MAML3: variants seen among roughly 807,000 people sequenced by gnomAD.
The protein encoded by MAML3 is mastermind like transcriptional coactivator 3.
In MAML3, 27 loss-of-function variants were observed where a neutral mutation model predicts 101.9. The observed-to-expected ratio is 0.27, with a 90% CI of 0.20 to 0.37. MAML3 has a LOEUF of 0.37. Ranked by LOEUF, MAML3 falls within the 10% of genes least tolerant of loss-of-function variation. The pLI, the probability that MAML3 is intolerant of heterozygous loss-of-function variation, is 1.00. For missense variants in MAML3, 1,316 were observed against 1,444.9 expected (o/e 0.91, Z 1.45); for synonymous variants, 501 against 555.9 (o/e 0.90, Z 1.39).
chr4:140,101,123 C>T (rs1041780491), intron 1 of MAML3, among the ~76,000 whole-genome samples: 1 of 152,048 alleles, frequency 6.6e-6, no homozygotes, highest in African/African-American at 2.4e-5. Flanking sequence ...GGACCAGAGT[C>T]GACGCTACAT....
chr4:139,950,155 C>T (rs927767151), intron 1 of MAML3, among the ~76,000 whole-genome samples: 1 of 152,186 alleles, frequency 6.6e-6, no homozygotes, highest in African/African-American at 2.4e-5. Flanking sequence ...ATTCTCCTGC[C>T]TCAGCTTCCT....
At chr4:140,038,191 C>T (rs1324133520) in intron 1 of MAML3, among the ~76,000 whole-genome samples, 3 of 150,742 alleles carry the variant, frequency 2.0e-5, no homozygotes, top group Admixed American at 6.6e-5. Flanking sequence ...AAGTGCTTTA[C>T]GCAAAAACAT....
At chr4:139,946,925 ACTCT>A (rs869076388) in intron 1 of MAML3, among the ~76,000 whole-genome samples, 724 of 68,138 alleles carry the variant, frequency 0.011, 4 homozygotes, top group African/African-American at 0.021. Context: ...ACACACACAC[ACTCT>A]CTCTCTCTCT....
At chr4:139,859,052 G>C (rs960815032) in intron 2 of MAML3, among the ~76,000 whole-genome samples, 3 of 152,022 alleles carry the variant, frequency 2.0e-5, no homozygotes, top group African/African-American at 7.3e-5. Flanking sequence ...CCAGCTCTCA[G>C]TGAATATCAA....
At chr4:140,021,059 A>G (rs1029061470) in intron 1 of MAML3, among the ~76,000 whole-genome samples, 1 of 152,188 alleles carries the variant, frequency 6.6e-6, no homozygotes, top group Non-Finnish European at 1.5e-5. Flanking sequence ...GTACCCAAGG[A>G]GTTACAGAGA....
chr4:139,759,617 G>A (rs922819368), intron 2 of MAML3, among the ~76,000 whole-genome samples: 3 of 152,212 alleles, frequency 2.0e-5, no homozygotes, highest in East Asian at 3.8e-4. Flanking sequence ...GTTAGAGGCT[G>A]TCTCTAGGAT....
chr4:139,797,673 G>C (rs1472844725), intron 2 of MAML3, among the ~76,000 whole-genome samples: 1 of 151,702 alleles, frequency 6.6e-6, no homozygotes, highest in Non-Finnish European at 1.5e-5. Flanking sequence ...AAATTGATAT[G>C]ATGTTTGGTT....
chr4:139,891,247 C>T (rs1414162399), intron 1 of MAML3, among the ~76,000 whole-genome samples: 1 of 152,154 alleles, frequency 6.6e-6, no homozygotes, highest in African/African-American at 2.4e-5. Context: ...GGGCAATACT[C>T]TCAGCAAGGA....
intron 2 of MAML3, among the ~76,000 whole-genome samples, chr4:139,770,225 CCCAGCCAAGGCT>C (rs1239231729): frequency 6.6e-6 from 1 of 152,212 alleles, no homozygotes; most frequent in Non-Finnish European, 1.5e-5. Flanking sequence ...AGCCACTGTG[CCCAGCCAAGGCT>C]CCTTGTCTGT....
At chr4:140,067,863 A>G (rs1727567505) in intron 1 of MAML3, among the ~76,000 whole-genome samples, 1 of 151,732 alleles carries the variant, frequency 6.6e-6, no homozygotes, top group Non-Finnish European at 1.5e-5. Context: ...CTTCCCAAGT[A>G]GCTGGGATTA....
At chr4:140,008,071 G>A (rs1380623397) in intron 1 of MAML3, among the ~76,000 whole-genome samples, 4 of 152,316 alleles carry the variant, frequency 2.6e-5, no homozygotes, top group Non-Finnish European at 5.9e-5. Flanking sequence ...TAGGCTGGGC[G>A]CAGTGGCTCA....
intron 1 of MAML3, among the ~76,000 whole-genome samples, chr4:139,997,100 AGACTCT>A (rs1734832399): frequency 7.3e-6 from 1 of 136,068 alleles, no homozygotes; most frequent in Non-Finnish European, 1.7e-5. Flanking sequence ...AATTTTTTTG[AGACTCT>A]GTCTCAAAAA....
At position 140,153,175 on chromosome 4, in the gene MAML3, G is replaced by A. The variant is rs771245781; in HGVS notation, c.153C>T (p.Ala51=). 4.1e-5 allele frequency: 64 copies of A among 1,551,786 alleles called. No individual in the cohort carries two copies. The African/African-American group carries it at 6.8e-4, about 17-fold the overall frequency. The change falls in exon 1 of 5, where the codon GCC becomes GCT. Residue 51 remains alanine (A), a synonymous_variant. Transcript: ENST00000509479. ...PAAPSSNHPA[A]GGCGGSGGPG... is the part of the protein sequence containing the mutation. ...GGCCCCCGGAGCCGCCGCATCCACCGGCTGCCGGGTGATTGCTACTCGGAG... is the reference window on the plus strand; with the variant it reads ...GGCCCCCGGAGCCGCCGCATCCACCAGCTGCCGGGTGATTGCTACTCGGAG...
At chr4:140,109,784 C>T (rs1383893657) in intron 1 of MAML3, among the ~76,000 whole-genome samples, 3 of 152,140 alleles carry the variant, frequency 2.0e-5, no homozygotes, top group Non-Finnish European at 2.9e-5. Flanking sequence ...GACAGCCCGG[C>T]AGTTATAGGC....
intron 1 of MAML3, among the ~76,000 whole-genome samples, chr4:140,094,776 C>T (rs566391375): frequency 1.6e-4 from 25 of 152,352 alleles, no homozygotes; most frequent in Admixed American, 9.8e-4. Flanking sequence ...CGCTTCCTTC[C>T]TCCTTTCCTG....
chr4:139,883,273 T>A (rs1732254236), intron 2 of MAML3, among the ~76,000 whole-genome samples: 1 of 152,150 alleles, frequency 6.6e-6, no homozygotes, highest in South Asian at 2.1e-4. Flanking sequence ...ATGTGCTTGA[T>A]CATATTGAAT....
chr4:139,776,718 CA>C (rs1324436364), intron 2 of MAML3, among the ~76,000 whole-genome samples: 1 of 152,156 alleles, frequency 6.6e-6, no homozygotes, highest in African/African-American at 2.4e-5. Flanking sequence ...AGACAGAAGC[CA>C]GGGGCAGAGG....
At chr4:139,804,455 C>T (rs185193672) in intron 2 of MAML3, among the ~76,000 whole-genome samples, 54 of 152,056 alleles carry the variant, frequency 3.6e-4, no homozygotes, top group African/African-American at 1.0e-3. Flanking sequence ...TCAGTAGAGA[C>T]GGGGTTTCAC....
Position 139,910,728 on chromosome 4 carries a change from C to T in MAML3, c.469-19761G>A, listed in dbSNP as rs148844391. 2.6e-5 allele frequency among the ~76,000 whole-genome samples: 4 copies of T among 152,084 alleles called. No individual in the cohort carries two copies. In the East Asian group the frequency reaches 7.7e-4, roughly 29 times the overall value. ...GTATGTCATGAGGTGAAGTTAAAGG[C>T]TTTTTCAGGAGAAGTAAGTTCTGAG... On this transcript the variant is annotated intron_variant, in intron 1 of 4. Transcript: ENST00000509479.
Sources: gnomAD v4.1 joint callset for allele counts (sites outside exome capture counted in the v4.1 genomes callset) on GRCh38, gnomAD v4.1.1 for gene constraint, MANE v1.5 for transcripts, NCBI Gene and HGNC (gene_info 2026-07-23, HGNC 2026-07-21) for gene names.